Variants in ADAMTS17 observed in about 807,000 individuals in gnomAD.
The protein encoded by ADAMTS17 is ADAM metallopeptidase with thrombospondin type 1 motif 17, also known as A disintegrin and metalloproteinase with thrombospondin motifs 17.
Under a neutral mutation model 141.5 loss-of-function variants are expected in ADAMTS17, and 113 were observed. That is an observed-to-expected ratio of 0.80 (90% confidence interval 0.69 to 0.93). ADAMTS17 has a LOEUF of 0.93. Among genes scored for constraint, ADAMTS17 ranks in the 40% least tolerant of loss-of-function variants. The probability of loss-of-function intolerance (pLI) is 0.00; values close to 1 mark genes in which losing one functional copy is unlikely to be tolerated. For synonymous variants in ADAMTS17, 768 were observed against 630.6 expected (o/e 1.22, Z -3.27); for missense variants, 1,659 against 1,517.9 (o/e 1.09, Z -1.54).
intron 18 of ADAMTS17, among the ~76,000 whole-genome samples, chr15:100,046,459 A>C (rs75191167): frequency 0.031 from 4,769 of 152,288 alleles, 123 homozygotes; most frequent in African/African-American, 0.071. Flanking sequence ...GTTTCTGTGC[A>C]TAATTTTAAA....
At chr15:99,991,658 A>C (rs527673760) in intron 20 of ADAMTS17, among the ~76,000 whole-genome samples, 1 of 152,220 alleles carries the variant, frequency 6.6e-6, no homozygotes, top group Non-Finnish European at 1.5e-5. Flanking sequence ...TTGACCCAGC[A>C]ATCCCTTTAC....
At chr15:100,055,324 G>C (rs1003931062) in intron 15 of ADAMTS17, among the ~76,000 whole-genome samples, 7 of 152,204 alleles carry the variant, frequency 4.6e-5, no homozygotes, top group Non-Finnish European at 1.0e-4. Flanking sequence ...AACCCAAAAG[G>C]GGTTTTGGTT....
chr15:100,280,770 G>C (rs976512620), intron 4 of ADAMTS17, among the ~76,000 whole-genome samples: 2 of 152,184 alleles, frequency 1.3e-5, no homozygotes, highest in African/African-American at 2.4e-5. Flanking sequence ...ATCGGACATA[G>C]ACAGACGTGG....
At chr15:99,983,621 A>T (rs1221872591) in intron 20 of ADAMTS17, among the ~76,000 whole-genome samples, 1 of 152,038 alleles carries the variant, frequency 6.6e-6, no homozygotes, top group Non-Finnish European at 1.5e-5. Flanking sequence ...TGTCAACTAT[A>T]CACGCCTGGG....
At chr15:100,020,511 T>C (rs964578711) in intron 18 of ADAMTS17, among the ~76,000 whole-genome samples, 20 of 152,140 alleles carry the variant, frequency 1.3e-4, no homozygotes, top group African/African-American at 4.8e-4. Context: ...TACCTTTAAC[T>C]GCAAGCTGCA....
intron 2 of ADAMTS17, among the ~76,000 whole-genome samples, chr15:100,336,655 G>A (rs558175923): frequency 6.6e-6 from 1 of 152,106 alleles, no homozygotes; most frequent in South Asian, 2.1e-4. Context: ...CTTCCAATGG[G>A]TCTCCACACC....
At chr15:100,090,362 A>C (rs533942901) in intron 15 of ADAMTS17, among the ~76,000 whole-genome samples, 14 of 152,312 alleles carry the variant, frequency 9.2e-5, no homozygotes, top group Middle Eastern at 3.4e-3. Context: ...TGTTGTATGG[A>C]AACTTTTGCA....
chr15:99,978,745 A>G (rs1038947208), intron 20 of ADAMTS17: 8 of 152,276 alleles, frequency 5.3e-5, no homozygotes, highest in Non-Finnish European at 1.0e-4. Flanking sequence ...AGCTGGCTGC[A>G]CACTGGGATC....
At position 100,109,055 on chromosome 15, in the gene ADAMTS17, G is replaced by A; in HGVS notation, c.1950C>T (p.Asp650=). 1 of 1,614,110 alleles carries A rather than the reference G, an allele frequency of 6.2e-7. No homozygotes were observed. The highest frequency in any genetic ancestry group is 1.1e-5 in the South Asian group (1 of 91,090). The change falls in exon 14 of 22, where the codon GAC becomes GAT. Residue 650 remains aspartate, a synonymous_variant. Coordinates refer to ENST00000268070, the MANE Select transcript of ADAMTS17 (RefSeq NM_139057.4). ...LGKESPLLVA[D]RVLDGTPCGP... ...CGCAGGGTGTACCGTCCAGGACCCTGTCGGCCACCAGCAGTGGGGACTCCT... is the reference window on the plus strand; with the variant it reads ...CGCAGGGTGTACCGTCCAGGACCCTATCGGCCACCAGCAGTGGGGACTCCT...
intron 8 of ADAMTS17, among the ~76,000 whole-genome samples, chr15:100,191,465 C>A (rs1038707314): frequency 6.6e-6 from 1 of 152,220 alleles, no homozygotes; most frequent in African/African-American, 2.4e-5. Flanking sequence ...CAGGCCTGGC[C>A]TGGTGGGATT....
intron 15 of ADAMTS17, among the ~76,000 whole-genome samples, chr15:100,091,854 A>G (rs1334668868): frequency 6.6e-6 from 1 of 152,202 alleles, no homozygotes; most frequent in Non-Finnish European, 1.5e-5. Flanking sequence ...TCTTCTTACA[A>G]AAGTTATTCA....
chr15:100,132,136 T>G lies in ADAMTS17; in HGVS notation c.1592A>C (p.Glu531Ala). ...CGGGATGGGCGTCTTGCTCACGCACTCCCCCGCGCGGCACCACTGAAACAC... is the reference window on the plus strand; with the variant it reads ...CGGGATGGGCGTCTTGCTCACGCACGCCCCCGCGCGGCACCACTGAAACAC... ...CGADKWCRAG[E>A]CVSKTPIPEH... The change falls in exon 12 of 22, where the codon GAG becomes GCG. Residue 531 changes from glutamate (E) to alanine (A), a missense_variant. Glu to Ala is a moderately radical substitution (Grantham distance 107). Coordinates refer to ENST00000268070, the MANE Select transcript of ADAMTS17 (RefSeq NM_139057.4). 1 of 1,613,400 alleles carries G rather than the reference T, an allele frequency of 6.2e-7. No homozygotes were observed. Among genetic ancestry groups the G allele is most frequent in the South Asian group, 1.1e-5 (1 of 90,986 alleles).
intron 10 of ADAMTS17, 144 bp from the exon 11 acceptor site, chr15:100,133,459 T>C (rs1235654876): frequency 6.7e-6 from 5 of 749,826 alleles, no homozygotes; most frequent in Non-Finnish European, 9.2e-6. Context: ...AGTCTGTATG[T>C]CCAAAATATC....
At chr15:100,095,458 C>T (rs1457142742) in intron 15 of ADAMTS17, among the ~76,000 whole-genome samples, 1 of 152,088 alleles carries the variant, frequency 6.6e-6, no homozygotes, top group Non-Finnish European at 1.5e-5. Flanking sequence ...TTCTGTGAGA[C>T]AGGGAGGCAT....
At chr15:100,113,068 G>C (rs1396661732) in intron 13 of ADAMTS17, among the ~76,000 whole-genome samples, 1 of 152,146 alleles carries the variant, frequency 6.6e-6, no homozygotes, top group Non-Finnish European at 1.5e-5. Context: ...AGGCTACTCA[G>C]ACTCCTGTTC....
At chr15:100,243,371 AATT>A (rs2042885761) in intron 7 of ADAMTS17, among the ~76,000 whole-genome samples, 1 of 152,190 alleles carries the variant, frequency 6.6e-6, no homozygotes, top group African/African-American at 2.4e-5. Context: ...CATATTTTTT[AATT>A]TTTTGAGAAA....
intron 3 of ADAMTS17, among the ~76,000 whole-genome samples, chr15:100,286,513 A>C (rs567355145): frequency 6.6e-6 from 1 of 152,316 alleles, no homozygotes; most frequent in African/African-American, 2.4e-5. Context: ...CAAAGCTGGG[A>C]AACTCATACC....
At position 100,025,633 on chromosome 15, in the gene ADAMTS17, C is replaced by T. The variant is rs188003275; in HGVS notation, c.2591+23224G>A. 1.2e-3 allele frequency among the ~76,000 whole-genome samples: 178 copies of T among 152,164 alleles called. 2 individuals carry two copies. The highest frequency in any genetic ancestry group is 4.1e-3 in the African/African-American group (169 of 41,548). On this transcript the variant is annotated intron_variant, in intron 18 of 21. Coordinates refer to ENST00000268070, the MANE Select transcript of ADAMTS17 (RefSeq NM_139057.4). ...TTCACCACATTGGCCAGGCTGGTCT[C>T]GAACTCCTGACCTCAGGTGATCTGC...
At position 100,335,320 on chromosome 15, in the gene ADAMTS17, C is replaced by T. The variant is rs539183771; in HGVS notation, c.451-4266G>A. Among the ~76,000 whole-genome samples, 25 of 152,294 alleles carry T rather than the reference C, an allele frequency of 1.6e-4. No individual in the cohort carries two copies. The South Asian group carries it at 4.8e-3, about 29-fold the overall frequency. Reference sequence around the variant, plus strand: ...TCAGTTCCTCTACCCCCATCTCTCCCGTAAAACCACCACCCCACAAATCCA... The same window carrying T: ...TCAGTTCCTCTACCCCCATCTCTCCTGTAAAACCACCACCCCACAAATCCA... On this transcript the variant is annotated intron_variant, in intron 2 of 21. Transcript: ENST00000268070.
Sources: allele counts gnomAD v4.1 joint callset (sites outside exome capture counted in the v4.1 genomes callset), GRCh38; gene constraint gnomAD v4.1.1; transcripts MANE v1.5; gene names NCBI Gene and HGNC (gene_info 2026-07-23, HGNC 2026-07-21).